Variants in INF2 observed in about 807,000 individuals in gnomAD.
INF2 encodes the protein inverted formin-2.
A neutral mutation model predicts 123.5 loss-of-function variants in INF2; 43 were observed. The ratio of observed to expected loss-of-function variants is 0.35; its 90% confidence interval spans 0.27 to 0.45. The LOEUF is 0.45. Ranked by LOEUF, INF2 falls within the 20% of genes least tolerant of loss-of-function variation. INF2 has a pLI of 1.00. For missense variants in INF2, 1,453 were observed against 1,682.7 expected (o/e 0.86, Z 2.39); for synonymous variants, 851 against 745.0 (o/e 1.14, Z -2.32).
At chr14:104,691,431 A>G (rs1232637144) in intron 1 of INF2, 1 of 152,158 alleles carries the variant, frequency 6.6e-6, no homozygotes, top group Non-Finnish European at 1.5e-5. Context: ...CTGGAGGTCA[A>G]ATTTCCCTGT....
At chr14:104,712,296 C>A in intron 16 of INF2, 137 bp from the exon 17 acceptor site, 1 of 1,188,064 alleles carries the variant, frequency 8.4e-7, no homozygotes, top group Non-Finnish European at 1.2e-6. Context: ...TCAACCCCAA[C>A]ACTGCACGTG....
In INF2 at chr14:104,707,582, C is replaced by A. The variant is rs1300172067; in HGVS notation, c.1315C>A (p.Pro439Thr). The A allele has an allele frequency of 9.3e-7, 1 of 1,077,960 alleles. No homozygotes were observed. 66.8% of individuals were successfully genotyped at this position (1,077,960 alleles called of 1,614,324 possible). ...CCCTGGTTCCAGTGCCGAGCCCCCT[C>A]CCCCTCCCCCACCACCCCCCCTGCC... ...LLPGSSAEPP[P>T]PPPPPPLPSV... Residue 439 changes from proline (P) to threonine (T), a missense_variant, in exon 8 of 23, where the codon CCC becomes ACC. Physicochemically the swap from Pro to Thr is conservative, Grantham distance 38. This residue lies in a region of INF2 where 374 missense variants were observed against 303.7 expected (regional missense o/e 1.23). Coordinates refer to ENST00000392634, the MANE Select transcript of INF2 (RefSeq NM_022489.4).
intron 8 of INF2, 94 bp downstream of exon 8, chr14:104,708,096 C>T (rs774382508): frequency 2.0e-5 from 32 of 1,563,768 alleles, no homozygotes; most frequent in Admixed American, 1.9e-4. Context: ...AACTTGTGTG[C>T]GCGTCCTGCC....
At chr14:104,693,824 G>A (rs577160708) in intron 1 of INF2, among the ~76,000 whole-genome samples, 7 of 152,338 alleles carry the variant, frequency 4.6e-5, no homozygotes, top group Admixed American at 2.6e-4. Flanking sequence ...TGGCCTCGGT[G>A]TACAGCCTGC....
chr14:104,693,194 C>T (rs1458016470), intron 1 of INF2, among the ~76,000 whole-genome samples: 2 of 152,222 alleles, frequency 1.3e-5, no homozygotes, highest in East Asian at 3.9e-4. Context: ...GCTGTGACAG[C>T]GTTATACCAC....
In INF2 at chr14:104,712,420, C is replaced by G. The variant is rs769937499; in HGVS notation, c.2490-13C>G. The G allele has an allele frequency of 5.6e-6, 9 of 1,612,298 alleles. No individual in the cohort carries two copies. The highest frequency in any genetic ancestry group is 7.6e-6 in the Non-Finnish European group (9 of 1,179,664). On this transcript the variant is annotated splice_polypyrimidine_tract_variant and intron_variant, in intron 16 of 22. Coordinates refer to ENST00000392634, the MANE Select transcript of INF2 (RefSeq NM_022489.4). Reference sequence around the variant, plus strand: ...GCCGTTGCTGTCTCTGCCCGGCCCTCCTCACCTTTCAGGATCAACCTGGAG... The same window carrying G: ...GCCGTTGCTGTCTCTGCCCGGCCCTGCTCACCTTTCAGGATCAACCTGGAG...
At chr14:104,702,543 G>C (rs1000178115) in intron 2 of INF2, among the ~76,000 whole-genome samples, 3 of 151,984 alleles carry the variant, frequency 2.0e-5, no homozygotes, top group Admixed American at 6.5e-5. Flanking sequence ...AGTGATGGGC[G>C]GGGCTGGGCC....
chr14:104,696,209 T>C (rs984355019), intron 1 of INF2, among the ~76,000 whole-genome samples: 73 of 152,304 alleles, frequency 4.8e-4, no homozygotes, highest in Non-Finnish European at 2.9e-5. Flanking sequence ...CCGGGGGCCC[T>C]CTTTGCACAA....
At position 104,711,683 on chromosome 14, in the gene INF2, C is replaced by G; in HGVS notation, c.2473C>G (p.Pro825Ala). 1 of 1,612,358 alleles carries G rather than the reference C, an allele frequency of 6.2e-7. No homozygotes were observed. Among genetic ancestry groups the G allele is most frequent in the Non-Finnish European group, 8.5e-7 (1 of 1,179,660 alleles). The part of the protein sequence containing the change: ...LLQLPRDLEQ[P>A]SQAAGINLEI... ...GCAGCTGCCCCGGGACCTGGAACAG[C>G]CCTCGCAAGCAGCAGGGTAGGTAGC... The change falls in exon 16 of 23, where the codon CCC (proline) becomes GCC (alanine). Residue 825 changes from proline to alanine, a missense_variant. By Grantham distance (27) the Pro-to-Ala change is conservative. This residue lies in a region of INF2 where 212 missense variants were observed against 266.2 expected (regional missense o/e 0.80). Coordinates refer to ENST00000392634, the MANE Select transcript of INF2 (RefSeq NM_022489.4).
At position 104,692,056 on chromosome 14, in the gene INF2, G is replaced by A. The variant is rs76537067; in HGVS notation, c.-10+2317G>A. Reference sequence around the variant, plus strand: ...GGAACCACAGGGGTTGCTTAGGGTCGCCCCTCTGAGGGCTCATGTCAGTCC... The same window carrying A: ...GGAACCACAGGGGTTGCTTAGGGTCACCCCTCTGAGGGCTCATGTCAGTCC... On this transcript the variant is annotated intron_variant, in intron 1 of 22. Coordinates refer to ENST00000392634, the MANE Select transcript of INF2 (RefSeq NM_022489.4). Among the ~76,000 whole-genome samples the A allele has an allele frequency of 5.3e-5, 8 of 152,296 alleles. No homozygotes were observed. In the East Asian group the frequency reaches 9.6e-4, roughly 18 times the overall value.
chr14:104,701,449 C>T lies in INF2; in HGVS notation c.84C>T (p.Ala28=), dbSNP rs1231733885. 2 of 1,598,064 alleles carry T rather than the reference C, an allele frequency of 1.3e-6. No individual in the cohort carries two copies. The highest frequency in any genetic ancestry group is 2.7e-5 in the African/African-American group (2 of 74,626). ...CACAGGATTCGGACCCCACGGAGGC[C>T]AACCTGGAGAGCGCGGACCCCGAGC... ...LGPQDSDPTE[A]NLESADPELC... is the part of the protein sequence containing the mutation. Residue 28 remains alanine (A), a synonymous_variant, in exon 2 of 23, where the codon GCC becomes GCT. Coordinates refer to ENST00000392634, the MANE Select transcript of INF2 (RefSeq NM_022489.4).
In INF2 at chr14:104,706,975, CA is replaced by C; in HGVS notation, c.910del (p.Thr304ProfsTer16). Reference protein sequence around the residue: ...VLQGLLHLEPTLRSSQLLWEA... With the variant: ...VLQGLLHLEPXLRSSQLLWEA... Reference sequence around the variant, plus strand: ...TGCAGGGCCTCCTGCACCTGGAGCCCACCCTCCGCTCCAGCCAGCTGCTCTG... The same window carrying C: ...TGCAGGGCCTCCTGCACCTGGAGCCCCCCTCCGCTCCAGCCAGCTGCTCTG... On this transcript the variant is annotated frameshift_variant, in exon 7 of 23. Transcript: ENST00000392634. LOFTEE classifies it high-confidence loss of function. 1 of 1,600,374 alleles carries C rather than the reference CA, an allele frequency of 6.2e-7. No homozygotes were observed. Among genetic ancestry groups the C allele is most frequent in the Non-Finnish European group, 8.5e-7 (1 of 1,178,958 alleles).
chr14:104,722,191 G>C lies in INF2; in HGVS notation c.*3398G>C, dbSNP rs539005444. ...TGACTGGCAGGGGCCCCAGCTGTTG[G>C]GCCTGGGCAGGACTGTTTTTAGAAA... On this transcript the variant is annotated 3_prime_UTR_variant, in exon 23 of 23. Transcript: ENST00000392634. 6.6e-6 allele frequency: 1 copy of C among 152,386 alleles called. No individual in the cohort carries two copies. The highest frequency in any genetic ancestry group is 1.9e-4 in the East Asian group (1 of 5,186). The allele number at this position is 152,386 out of a possible 1,614,324, so 9.4% of individuals were successfully genotyped here.
intron 10 of INF2, 42 bp downstream of exon 10, chr14:104,708,774 C>G: frequency 6.3e-7 from 1 of 1,596,798 alleles, no homozygotes; most frequent in African/African-American, 1.3e-5. Flanking sequence ...CACGGAGCCT[C>G]GCCTCCACCT....
exon 1 of INF2, chr14:104,681,447 C>A: frequency 1.6e-6 from 1 of 632,378 alleles, no homozygotes; most frequent in Non-Finnish European, 2.6e-6. Flanking sequence ...GGGGCAGCGT[C>A]TAGGAGGCCT....
At chr14:104,681,230 A>G in exon 1 of INF2, 1 of 341,026 alleles carries the variant, frequency 2.9e-6, no homozygotes, top group South Asian at 2.3e-5. Flanking sequence ...AAGCAGGGGT[A>G]GGGAAGGGCC....
rs1208514164 is a variant in INF2, at chr14:104,721,187, C to T, written c.*2394C>T. ...GTCCTCGTGTGGATGCTGCTATGGA[C>T]GTCTGCGTAGTCTCGTGTGGATGCT... is the stretch of plus-strand genomic sequence containing the variant. On this transcript the variant is annotated 3_prime_UTR_variant, in exon 23 of 23. Transcript: ENST00000392634. 7.7e-6 allele frequency: 1 copy of T among 130,210 alleles called. No homozygotes were observed. Among genetic ancestry groups the T allele is most frequent in the African/African-American group, 3.0e-5 (1 of 33,424 alleles). The allele number at this position is 130,210 out of a possible 1,614,324, so 8.1% of individuals were successfully genotyped here. A position where few individuals can be genotyped will look rare whatever the true frequency, so the allele number is the denominator to read the frequency against.
Position 104,703,210 on chromosome 14 carries a change from A to G in INF2, c.497A>G (p.Asp166Gly). The G allele has an allele frequency of 1.2e-6, 2 of 1,613,170 alleles. No individual in the cohort carries two copies. The highest frequency in any genetic ancestry group is 1.3e-5 in the African/African-American group (1 of 74,912). ...EGHVLTLDALDHYKTVCSQQY... is the reference protein window; with the variant it reads ...EGHVLTLDALGHYKTVCSQQY... ...CACGTGCTGACCCTGGACGCCCTGG[A>G]CCACTACAAGGTGGGCGGCAGGGCC... Residue 166 changes from aspartate to glycine, a missense_variant, in exon 3 of 23, where the codon GAC becomes GGC. Transcript: ENST00000392634.
intron 5 of INF2, among the ~76,000 whole-genome samples, chr14:104,704,966 C>T (rs185645300): frequency 3.3e-5 from 5 of 152,334 alleles, no homozygotes; most frequent in Admixed American, 2.0e-4. Context: ...TGAACAGGTA[C>T]TCTGTAGTTT....
Sources: allele counts gnomAD v4.1 joint callset (sites outside exome capture counted in the v4.1 genomes callset), GRCh38; gene constraint gnomAD v4.1.1; regional missense constraint gnomAD v4.1.1; transcripts MANE v1.5; gene names NCBI Gene and HGNC (gene_info 2026-07-23, HGNC 2026-07-21).